Variants in FTCDNL1 observed in about 807,000 individuals in gnomAD.
FTCDNL1 encodes formiminotransferase N-terminal subdomain-containing protein.
A neutral mutation model predicts 5.9 loss-of-function variants in FTCDNL1; 11 were observed. The ratio of observed to expected loss-of-function variants is 1.87; its 90% CI spans 1.18 to 3.10. The LOEUF (loss-of-function observed/expected upper bound fraction) is 3.10, where lower values mean the gene tolerates loss of function less well. FTCDNL1 is among the 30% of genes most tolerant of loss of function. FTCDNL1 has a pLI of 0.00. For missense variants in FTCDNL1, 115 were observed against 65.5 expected (o/e 1.76, Z -2.61); for synonymous variants, 58 against 24.8 (o/e 2.34, Z -3.99).
downstream of FTCDNL1, among the ~76,000 whole-genome samples, chr2:199,808,395 A>G (rs949486149): frequency 2.0e-5 from 3 of 152,196 alleles, no homozygotes; most frequent in Admixed American, 2.0e-4. Context: ...TTTTAATTAT[A>G]AAACACAATG....
rs987387344 is a variant in FTCDNL1 at position 199,812,661 on chromosome 2, C to T, written c.*44G>A. On this transcript the variant is annotated 3_prime_UTR_variant, in exon 5 of 5. Coordinates refer to ENST00000420128, the MANE Select transcript of FTCDNL1 (RefSeq NM_001363886.2). Reference sequence around the variant, plus strand: ...GCTGCTCTGGTGGCAGCACGGATCCCCTCACTGCAAGGCTGAAATTCCAAT... The same window carrying T: ...GCTGCTCTGGTGGCAGCACGGATCCTCTCACTGCAAGGCTGAAATTCCAAT... 5.3e-5 allele frequency: 37 copies of T among 694,200 alleles called. No homozygotes were observed. Among genetic ancestry groups the T allele is most frequent in the Non-Finnish European group, 7.3e-5 (28 of 381,686 alleles). The allele number at this position is 694,200 out of a possible 1,614,324, so 43.0% of individuals were successfully genotyped here.
the FTCDNL1 span, among the ~76,000 whole-genome samples, chr2:199,708,304 C>T: frequency 6.6e-6 from 1 of 151,976 alleles, no homozygotes; most frequent in Admixed American, 6.6e-5. Context: ...TTCCTTTCCT[C>T]ACCATGCATA....
chr2:199,678,838 T>G, the FTCDNL1 span, among the ~76,000 whole-genome samples: 1 of 152,142 alleles, frequency 6.6e-6, no homozygotes, highest in African/African-American at 2.4e-5. Flanking sequence ...ATTACTACTT[T>G]ATTCTGAAAT....
chr2:199,683,503 ATT>A, the FTCDNL1 span, among the ~76,000 whole-genome samples: 3 of 151,570 alleles, frequency 2.0e-5, no homozygotes, highest in Non-Finnish European at 4.4e-5. Flanking sequence ...TAATAGGCTT[ATT>A]TTTAACACTA....
chr2:199,685,702 G>A, the FTCDNL1 span, among the ~76,000 whole-genome samples: 6 of 152,146 alleles, frequency 3.9e-5, no homozygotes, highest in South Asian at 1.2e-3. Flanking sequence ...CCAACACTAT[G>A]GGAACACAGA....
the FTCDNL1 span, among the ~76,000 whole-genome samples, chr2:199,663,882 T>A: frequency 6.6e-6 from 1 of 152,124 alleles, no homozygotes; most frequent in African/African-American, 2.4e-5. Flanking sequence ...CACAAAGTGT[T>A]CTTTAGAATT....
intron 4 of FTCDNL1, among the ~76,000 whole-genome samples, chr2:199,816,115 C>G (rs575086385): frequency 6.6e-6 from 1 of 152,266 alleles, no homozygotes; most frequent in African/African-American, 2.4e-5. Context: ...GTCTTAAACT[C>G]TACTATCTGG....
downstream of FTCDNL1, among the ~76,000 whole-genome samples, chr2:199,809,122 A>G (rs918178942): frequency 6.6e-6 from 1 of 152,202 alleles, no homozygotes; most frequent in Non-Finnish European, 1.5e-5. Flanking sequence ...TTGTAATCAT[A>G]TTGACAGAGA....
the FTCDNL1 span, among the ~76,000 whole-genome samples, chr2:199,721,811 C>T: frequency 3.5e-4 from 53 of 152,058 alleles, no homozygotes; most frequent in Non-Finnish European, 5.3e-4. Flanking sequence ...ATTTAATAAT[C>T]GTCATTCTGA....
At chr2:199,744,330 A>T in the FTCDNL1 span, among the ~76,000 whole-genome samples, 1 of 152,218 alleles carries the variant, frequency 6.6e-6, no homozygotes, top group African/African-American at 2.4e-5. Flanking sequence ...TTAAGATTAA[A>T]TAAAGTCAGA....
Position 199,798,693 on chromosome 2 carries a change from C to G in FTCDNL1, c.212-37858G>C, listed in dbSNP as rs544575427. ...TTTCAGAACAAGAAAGTTAGACTCT[C>G]TCTCCCCTTGGTTCTCCCAAACCAC... On this transcript the variant is annotated intron_variant, in intron 3 of 3. Transcript: ENST00000416668. Among the ~76,000 whole-genome samples the G allele has an allele frequency of 2.0e-5, 3 of 152,322 alleles. No individual in the cohort carries two copies. In the East Asian group the frequency reaches 5.8e-4, roughly 29 times the overall value.
At chr2:199,761,168 T>G (rs1285196144) in intron 3 of FTCDNL1, among the ~76,000 whole-genome samples, 2 of 152,198 alleles carry the variant, frequency 1.3e-5, no homozygotes, top group Non-Finnish European at 2.9e-5. Flanking sequence ...CAGGTATCCA[T>G]GAATATTCTG....
downstream of FTCDNL1, among the ~76,000 whole-genome samples, chr2:199,806,482 A>G (rs1700731722): frequency 6.6e-6 from 1 of 152,250 alleles, no homozygotes; most frequent in South Asian, 2.1e-4. Context: ...ACAAAACTGT[A>G]TATCAAGCCT....
In FTCDNL1 at chr2:199,810,427, G is replaced by A. The variant is rs1164013048; in HGVS notation, c.*2278C>T. Among the ~76,000 whole-genome samples the A allele has an allele frequency of 1.3e-5, 2 of 152,224 alleles. No individual in the cohort carries two copies. Among genetic ancestry groups the A allele is most frequent in the Non-Finnish European group, 2.9e-5 (2 of 68,032 alleles). ...TTTGGCAGGGTTTGGAGCCAAACAAGACAAAAGAGTTCCCTCACACAGACT... is the reference window on the plus strand; with the variant it reads ...TTTGGCAGGGTTTGGAGCCAAACAAAACAAAAGAGTTCCCTCACACAGACT... On this transcript the variant is annotated 3_prime_UTR_variant, in exon 5 of 5. Coordinates refer to ENST00000420128, the MANE Select transcript of FTCDNL1 (RefSeq NM_001363886.2).
the FTCDNL1 span, among the ~76,000 whole-genome samples, chr2:199,674,860 T>A: frequency 4.2e-4 from 64 of 152,314 alleles, no homozygotes; most frequent in African/African-American, 1.4e-3. Flanking sequence ...TAGATAAAAA[T>A]TTTAGACAAA....
At chr2:199,826,535 C>T (rs1259006241) in intron 3 of FTCDNL1, among the ~76,000 whole-genome samples, 2 of 151,346 alleles carry the variant, frequency 1.3e-5, no homozygotes, top group Non-Finnish European at 2.9e-5. Flanking sequence ...TGGCTTACGC[C>T]CATAATCCCA....
intron 3 of FTCDNL1, among the ~76,000 whole-genome samples, chr2:199,762,329 A>C (rs1179783569): frequency 6.6e-6 from 1 of 152,176 alleles, no homozygotes; most frequent in Admixed American, 6.5e-5. Flanking sequence ...CGGTGAGCCA[A>C]GATCTCACCA....
intron 3 of FTCDNL1, among the ~76,000 whole-genome samples, chr2:199,778,118 C>T (rs1699183288): frequency 1.3e-5 from 2 of 152,210 alleles, no homozygotes; most frequent in Admixed American, 1.3e-4. Context: ...GAAGTCTGGT[C>T]CCAGTTGAAG....
At chr2:199,780,736 A>G (rs1699323120) in intron 3 of FTCDNL1, among the ~76,000 whole-genome samples, 1 of 152,184 alleles carries the variant, frequency 6.6e-6, no homozygotes, top group Non-Finnish European at 1.5e-5. Flanking sequence ...TGATATCACA[A>G]GTGGGCAGGG....
Sources: gnomAD v4.1 joint callset for allele counts (sites outside exome capture counted in the v4.1 genomes callset) on GRCh38, gnomAD v4.1.1 for gene constraint, MANE v1.5 for transcripts, NCBI Gene and HGNC (gene_info 2026-07-23, HGNC 2026-07-21) for gene names.